The following ANAPC16 variants were observed in gnomAD, a reference collection of about 807,000 sequenced individuals.
ANAPC16 encodes the protein anaphase-promoting complex subunit 16.
In ANAPC16, 6 loss-of-function variants were observed where a neutral mutation model predicts 13.1. The ratio of observed to expected loss-of-function variants is 0.46; its 90% CI spans 0.25 to 0.90. The LOEUF (loss-of-function observed/expected upper bound fraction) is 0.90, where lower values mean the gene tolerates loss of function less well. Ranked by LOEUF, ANAPC16 falls within the 40% of genes least tolerant of loss-of-function variation. The probability of loss-of-function intolerance (pLI) is 0.18; values close to 1 mark genes in which losing one functional copy is unlikely to be tolerated. For synonymous variants in ANAPC16, 55 were observed against 51.3 expected, an observed-to-expected ratio of 1.07 and a Z score of -0.31; for missense variants, 113 against 131.1, an observed-to-expected ratio of 0.86 and a Z score of 0.67.
Position 72,234,725 on chromosome 10 carries a change from C to T in ANAPC16, c.*1609C>T, listed in dbSNP as rs1437202040. The stretch of plus-strand genomic sequence containing the variant: ...TCTACCTGACGGGAGGTGGTGACCT[C>T]ATTCAGTCGGTTAAGAGCCTGAGCC... On this transcript the variant is annotated 3_prime_UTR_variant, in exon 4 of 4. Transcript: ENST00000299381. 6.6e-6 allele frequency: 1 copy of T among 152,176 alleles called. No homozygotes were observed. Among genetic ancestry groups the T allele is most frequent in the Admixed American group, 6.6e-5 (1 of 15,256 alleles). The allele number at this position is 152,176 out of a possible 1,614,324, so 9.4% of individuals were successfully genotyped here.
chr10:72,225,412 T>A (rs1287938743), intron 2 of ANAPC16, among the ~76,000 whole-genome samples: 4 of 152,260 alleles, frequency 2.6e-5, no homozygotes, highest in South Asian at 4.1e-4. Flanking sequence ...GAAGGCAGTC[T>A]TCCATATTTT....
At chr10:72,231,896 A>G (rs1417244542) in intron 3 of ANAPC16, among the ~76,000 whole-genome samples, 2 of 152,076 alleles carry the variant, frequency 1.3e-5, no homozygotes, top group Non-Finnish European at 2.9e-5. Flanking sequence ...ACTTAAAAAA[A>G]AAAAAATAGG....
intron 2 of ANAPC16, among the ~76,000 whole-genome samples, chr10:72,225,912 C>CA (rs1172835237): frequency 5.4e-4 from 78 of 143,814 alleles, no homozygotes; most frequent in African/African-American, 1.9e-3. Context: ...AAAAAAAAAG[C>CA]AAAAAAAAAG....
intron 1 of ANAPC16, chr10:72,220,923 T>C (rs1859907020): frequency 6.6e-6 from 1 of 151,968 alleles, no homozygotes; most frequent in Admixed American, 6.6e-5. Flanking sequence ...AATCCTTTTT[T>C]CTCCCCCGCC....
Position 72,233,181 on chromosome 10 carries a change from C to T in ANAPC16, c.*65C>T, listed in dbSNP as rs117571297. On this transcript the variant is annotated 3_prime_UTR_variant, in exon 4 of 4. Coordinates refer to ENST00000299381, the MANE Select transcript of ANAPC16 (RefSeq NM_173473.4). ...AAGCCAGTGGGGGACTTTCTCACAG[C>T]TTACATAGCCATCCAGAGATCCACA... The T allele has an allele frequency of 0.017, 20,928 of 1,235,698 alleles. 218 individuals are homozygous for T. Among genetic ancestry groups the T allele is most frequent in the Middle Eastern group, 0.024 (97 of 4,100 alleles). The allele number at this position is 1,235,698 out of a possible 1,614,324, so 76.5% of individuals were successfully genotyped here. A position where few individuals can be genotyped will look rare whatever the true frequency, so the allele number is the denominator to read the frequency against.
intron 1 of ANAPC16, among the ~76,000 whole-genome samples, chr10:72,221,551 T>TC (rs1254064274): frequency 1.6e-4 from 21 of 134,052 alleles, no homozygotes; most frequent in African/African-American, 5.4e-4. Context: ...TCTTTTCTTT[T>TC]TTTTTTTTTT....
intron 3 of ANAPC16, among the ~76,000 whole-genome samples, chr10:72,231,894 A>G (rs2133695529): frequency 6.6e-6 from 1 of 152,174 alleles, no homozygotes; most frequent in East Asian, 1.9e-4. Context: ...CAACTTAAAA[A>G]AAAAAAAATA....
rs1310350025 is a variant in ANAPC16, at chr10:72,234,751, C to T, written c.*1635C>T. ...ATTCAGTCGGTTAAGAGCCTGAGCC[C>T]TGTGAAGTTAAACACCTGCTCATGG... is the stretch of plus-strand genomic sequence containing the variant. On this transcript the variant is annotated 3_prime_UTR_variant, in exon 4 of 4. Transcript: ENST00000299381. The T allele has an allele frequency of 1.3e-5, 2 of 152,194 alleles. No homozygotes were observed. Among genetic ancestry groups the T allele is most frequent in the African/African-American group, 4.8e-5 (2 of 41,448 alleles). The allele number at this position is 152,194 out of a possible 1,614,324, so 9.4% of individuals were successfully genotyped here.
At chr10:72,227,407 TACAC>T (rs1241207475) in intron 2 of ANAPC16, among the ~76,000 whole-genome samples, 1 of 152,216 alleles carries the variant, frequency 6.6e-6, no homozygotes, top group African/African-American at 2.4e-5. Context: ...TAAGTATAAA[TACAC>T]AGTGCACAGT....
At chr10:72,230,907 C>T (rs1318418048) in intron 3 of ANAPC16, among the ~76,000 whole-genome samples, 6 of 152,078 alleles carry the variant, frequency 3.9e-5, no homozygotes, top group African/African-American at 1.4e-4. Context: ...AAAGTTGGTC[C>T]TCCAGGGAGT....
chr10:72,230,960 C>A (rs573280059), intron 3 of ANAPC16, among the ~76,000 whole-genome samples: 2 of 152,266 alleles, frequency 1.3e-5, no homozygotes, highest in Admixed American at 1.3e-4. Context: ...CCTCTCCTGT[C>A]TGAAACCTCC....
intron 2 of ANAPC16, among the ~76,000 whole-genome samples, chr10:72,225,853 A>G (rs906349251): frequency 6.6e-6 from 1 of 151,368 alleles, no homozygotes; most frequent in Non-Finnish European, 1.5e-5. Flanking sequence ...GTGAGCAGAT[A>G]TCATGCCACT....
intron 2 of ANAPC16, among the ~76,000 whole-genome samples, chr10:72,224,470 G>A (rs1037954715): frequency 7.2e-5 from 11 of 152,138 alleles, no homozygotes; most frequent in South Asian, 2.1e-4. Flanking sequence ...AAAATTAGCC[G>A]GGCATGGTGG....
chr10:72,232,932 C>T, intron 3 of ANAPC16, 69 bp from the exon 4 acceptor site: 1 of 1,242,410 alleles, frequency 8.0e-7, no homozygotes, highest in Non-Finnish European at 1.2e-6. Context: ...CAGTCATCAT[C>T]TTGGTGGCTG....
At chr10:72,232,567 A>C in intron 3 of ANAPC16, among the ~76,000 whole-genome samples, 1 of 149,848 alleles carries the variant, frequency 6.7e-6, no homozygotes, top group Non-Finnish European at 1.5e-5. Flanking sequence ...ACCCCCCAAA[A>C]AAAGAGAGAG....
rs764137906 is a variant in ANAPC16 at position 72,233,103 on chromosome 10, C to A, written c.320C>A (p.Pro107His). The A allele has an allele frequency of 5.6e-5, 90 of 1,613,866 alleles. No homozygotes were observed. In the Admixed American group the frequency reaches 7.0e-4, roughly 13 times the overall value. Reference protein sequence around the residue: ...KPIEQLLGFTPSSG With the variant: ...KPIEQLLGFTHSSG ...ATCGAGCAGCTGCTGGGATTCACCC[C>A]CTCTTCAGGTTGATACTGCCTGGAT... The change falls in exon 4 of 4, where the codon CCC (proline) becomes CAC (histidine). Residue 107 changes from proline to histidine, a missense_variant. Transcript: ENST00000299381.
At chr10:72,228,253 A>G (rs534757823) in intron 2 of ANAPC16, among the ~76,000 whole-genome samples, 2 of 152,184 alleles carry the variant, frequency 1.3e-5, no homozygotes, top group Non-Finnish European at 2.9e-5. Flanking sequence ...GACACCTCAC[A>G]TAAGCAGCAT....
chr10:72,227,350 C>T (rs1319549616), intron 2 of ANAPC16, among the ~76,000 whole-genome samples: 1 of 152,118 alleles, frequency 6.6e-6, no homozygotes, highest in African/African-American at 2.4e-5. Flanking sequence ...TCTCAATATG[C>T]TTCATGGAGA....
intron 1 of ANAPC16, chr10:72,220,044 A>G (rs1477069003): frequency 6.6e-6 from 1 of 152,130 alleles, no homozygotes; most frequent in Admixed American, 6.6e-5. Flanking sequence ...TTTTCAAAAA[A>G]CATGGCCAGG....
Sources: allele counts gnomAD v4.1 joint callset (sites outside exome capture counted in the v4.1 genomes callset), GRCh38; gene constraint gnomAD v4.1.1; transcripts MANE v1.5; gene names NCBI Gene and HGNC (gene_info 2026-07-23, HGNC 2026-07-21).